SMAP1: variants seen among roughly 807,000 people sequenced by gnomAD.
The protein encoded by SMAP1 is small ArfGAP 1, also known as stromal membrane-associated protein 1.
SMAP1 carries 24 observed loss-of-function variants against 58.5 expected under a neutral mutation model. The observed-to-expected ratio is 0.41, with a 90% CI of 0.30 to 0.58. The LOEUF is 0.58. Ranked by LOEUF, SMAP1 falls within the 20% of genes least tolerant of loss-of-function variation. The probability of loss-of-function intolerance (pLI) is 0.29; values close to 1 mark genes in which losing one functional copy is unlikely to be tolerated. For synonymous variants in SMAP1, 216 were observed against 196.6 expected (o/e 1.10, Z -0.82); for missense variants, 563 against 566.3 (o/e 0.99, Z 0.06).
At chr6:70,776,230 T>C (rs1474484578) in intron 4 of SMAP1, among the ~76,000 whole-genome samples, 2 of 152,216 alleles carry the variant, frequency 1.3e-5, no homozygotes, top group Non-Finnish European at 2.9e-5. Flanking sequence ...GTTGCCAGAC[T>C]GGAGTGCAGT....
intron 1 of SMAP1, among the ~76,000 whole-genome samples, chr6:70,701,246 A>G (rs1440793179): frequency 6.6e-6 from 1 of 151,660 alleles, no homozygotes; most frequent in East Asian, 1.9e-4. Flanking sequence ...ATGCCTGGCT[A>G]ATTTTTTTGT....
rs546584615 is a variant in SMAP1, at chr6:70,695,355, G to C, written c.118+27214G>C. Among the ~76,000 whole-genome samples the C allele has an allele frequency of 2.6e-5, 4 of 152,204 alleles. No individual in the cohort carries two copies. In the East Asian group the frequency reaches 7.7e-4, roughly 29 times the overall value. ...TAGTGACAGTGGGCATCCTTGTCTT[G>C]TTCCAGGTCTTTGAGGAAAGGCTTT... On this transcript the variant is annotated intron_variant, in intron 1 of 10. Transcript: ENST00000370455.
At chr6:70,685,285 C>CTTT (rs367665070) in intron 1 of SMAP1, among the ~76,000 whole-genome samples, 9 of 146,588 alleles carry the variant, frequency 6.1e-5, no homozygotes, top group East Asian at 4.0e-4. Flanking sequence ...GTAGTTAATA[C>CTTT]TTTTTTTTTT....
chr6:70,853,200 C>CT (rs927473326), intron 8 of SMAP1, among the ~76,000 whole-genome samples: 124 of 145,418 alleles, frequency 8.5e-4, no homozygotes, highest in African/African-American at 2.9e-3. Flanking sequence ...ATCTACCTTG[C>CT]TTTTTTTTTT....
At chr6:70,713,788 C>CT (rs904733362) in intron 1 of SMAP1, among the ~76,000 whole-genome samples, 1 of 151,986 alleles carries the variant, frequency 6.6e-6, no homozygotes, top group African/African-American at 2.4e-5. Flanking sequence ...AGCCCCGTTT[C>CT]TTTATTAATT....
At chr6:70,718,376 A>G (rs1768362797) in intron 1 of SMAP1, among the ~76,000 whole-genome samples, 1 of 152,210 alleles carries the variant, frequency 6.6e-6, no homozygotes, top group South Asian at 2.1e-4. Flanking sequence ...AGCAAGAATG[A>G]CATTTTTATT....
At chr6:70,831,710 C>T (rs567442843) in intron 6 of SMAP1, among the ~76,000 whole-genome samples, 21 of 152,176 alleles carry the variant, frequency 1.4e-4, no homozygotes, top group African/African-American at 4.6e-4. Flanking sequence ...CTATTGTGAA[C>T]AGTGCTGCGA....
chr6:70,782,112 C>T (rs558673913), intron 4 of SMAP1, among the ~76,000 whole-genome samples: 85 of 152,192 alleles, frequency 5.6e-4, no homozygotes, highest in African/African-American at 2.0e-3. Flanking sequence ...ACTGACACCA[C>T]CAATTTCCAG....
At chr6:70,702,389 T>TTGG (rs1554191373) in intron 1 of SMAP1, among the ~76,000 whole-genome samples, 1 of 121,816 alleles carries the variant, frequency 8.2e-6, no homozygotes, top group African/African-American at 2.8e-5. Context: ...GCTTTTTTTT[T>TTGG]GGGGAGGGGG....
In SMAP1 at chr6:70,749,132, G is replaced by T. The variant is rs566597408; in HGVS notation, c.253-5848G>T. Among the ~76,000 whole-genome samples the T allele has an allele frequency of 4.9e-3, 740 of 152,274 alleles. 8 individuals carry two copies. The highest frequency in any genetic ancestry group is 0.017 in the African/African-American group (690 of 41,540). ...GAGGCCCCAGGAAACTTATAATTAT[G>T]GCGGAAGGCGAGGGGAAAGCAAGGC... On this transcript the variant is annotated intron_variant, in intron 2 of 10. Coordinates refer to ENST00000370455, the MANE Select transcript of SMAP1 (RefSeq NM_001044305.3).
intron 1 of SMAP1, among the ~76,000 whole-genome samples, chr6:70,714,076 A>G (rs570463276): frequency 1.6e-4 from 24 of 152,260 alleles, no homozygotes; most frequent in African/African-American, 4.1e-4. Flanking sequence ...TACCATTTGC[A>G]TGGACTATTC....
intron 6 of SMAP1, among the ~76,000 whole-genome samples, chr6:70,808,808 G>C (rs541111084): frequency 6.6e-6 from 1 of 150,814 alleles, no homozygotes; most frequent in African/African-American, 2.4e-5. Flanking sequence ...ATTAGTTACT[G>C]CTCTCTTTAA....
intron 1 of SMAP1, chr6:70,668,550 G>A: frequency 1.3e-6 from 2 of 1,529,830 alleles, no homozygotes; most frequent in African/African-American, 1.4e-5. Flanking sequence ...GTGGGGCCGC[G>A]CTTAGGTCTG....
rs1398794868 is a variant in SMAP1 at position 70,860,128 on chromosome 6, C to A, written c.1270-72C>A. 13 of 1,486,572 alleles carry A rather than the reference C, an allele frequency of 8.7e-6. No individual in the cohort carries two copies. The East Asian group carries it at 2.8e-4, about 33-fold the overall frequency. The allele number at this position is 1,486,572 out of a possible 1,614,324, so 92.1% of individuals were successfully genotyped here. A position where few individuals can be genotyped will look rare whatever the true frequency, so the allele number is the denominator to read the frequency against. On this transcript the variant is annotated intron_variant, in intron 10 of 10. Transcript: ENST00000370455. ...GTCACATTAATGAAAAAATGACCAA[C>A]TGTGTGGCTAAAGAAACAAGAATTA...
At chr6:70,794,195 G>A (rs763630433) in intron 5 of SMAP1, among the ~76,000 whole-genome samples, 1 of 152,134 alleles carries the variant, frequency 6.6e-6, no homozygotes, top group Admixed American at 6.5e-5. Context: ...TTTCAAGAAC[G>A]ACTATTTTAA....
chr6:70,765,585 C>T (rs1766936656), intron 3 of SMAP1, among the ~76,000 whole-genome samples: 1 of 152,076 alleles, frequency 6.6e-6, no homozygotes. Context: ...TATTGAGCAC[C>T]TCCTACCATA....
intron 3 of SMAP1, chr6:70,759,698 T>G (rs1027448044): frequency 1.5e-5 from 4 of 273,006 alleles, no homozygotes; most frequent in Non-Finnish European, 3.1e-5. Context: ...GATATTGCAT[T>G]ATTAGTTCTG....
chr6:70,811,689 G>A (rs1477393152), intron 6 of SMAP1, among the ~76,000 whole-genome samples: 3 of 152,040 alleles, frequency 2.0e-5, no homozygotes, highest in Non-Finnish European at 4.4e-5. Context: ...ATCATCTCTA[G>A]ATTACTTATA....
chr6:70,853,094 T>C (rs1021376939), intron 8 of SMAP1, among the ~76,000 whole-genome samples: 1 of 152,200 alleles, frequency 6.6e-6, no homozygotes, highest in Non-Finnish European at 1.5e-5. Context: ...TGTGGCTGTT[T>C]GTAAATATTG....
Sources: gnomAD v4.1 joint callset for allele counts (sites outside exome capture counted in the v4.1 genomes callset) on GRCh38, gnomAD v4.1.1 for gene constraint, MANE v1.5 for transcripts, NCBI Gene and HGNC (gene_info 2026-07-23, HGNC 2026-07-21) for gene names.